NDUFAF6: variants seen among roughly 807,000 people sequenced by gnomAD.
The protein encoded by NDUFAF6 is NADH dehydrogenase (ubiquinone) complex I, assembly factor 6.
In NDUFAF6, 45 loss-of-function variants were observed where a neutral mutation model predicts 40.8. That is an observed-to-expected ratio of 1.10 (90% CI 0.87 to 1.42). The LOEUF (loss-of-function observed/expected upper bound fraction) is 1.42, where lower values mean the gene tolerates loss of function less well. NDUFAF6 is among the 40% of genes most tolerant of loss of function. The pLI, the probability that NDUFAF6 is intolerant of heterozygous loss-of-function variation, is 0.00. For synonymous variants in NDUFAF6, 185 were observed against 155.9 expected (o/e 1.19, Z -1.39); for missense variants, 435 against 418.5 (o/e 1.04, Z -0.34).
chr8:94,942,402 A>G (rs1821630028), intron 1 of NDUFAF6, among the ~76,000 whole-genome samples: 1 of 152,050 alleles, frequency 6.6e-6, no homozygotes, highest in African/African-American at 2.4e-5. Flanking sequence ...CCCCAGGAGC[A>G]CAGGCAGCTC....
intron 1 of NDUFAF6, among the ~76,000 whole-genome samples, chr8:94,899,100 T>C (rs747902215): frequency 1.3e-5 from 2 of 152,256 alleles, no homozygotes; most frequent in African/African-American, 2.4e-5. Context: ...GGTTTCACCA[T>C]GTTGGTCAGG....
At chr8:95,075,584 G>C in intron 9 of NDUFAF6, 4 of 1,281,210 alleles carry the variant, frequency 3.1e-6, no homozygotes, top group Non-Finnish European at 4.1e-6. Context: ...TGTTTCCCTA[G>C]AATTTTCTAG....
upstream of NDUFAF6, among the ~76,000 whole-genome samples, chr8:95,097,553 G>A (rs947849227): frequency 6.6e-6 from 1 of 152,164 alleles, no homozygotes; most frequent in African/African-American, 2.4e-5. Flanking sequence ...CAGAAAATTA[G>A]CCGGGCATGG....
chr8:95,048,680 C>A, intron 7 of NDUFAF6, 122 bp downstream of exon 7: 2 of 775,948 alleles, frequency 2.6e-6, no homozygotes, highest in Non-Finnish European at 2.2e-6. Flanking sequence ...CATTGATTTC[C>A]CAGTAGATTT....
chr8:94,973,715 A>C (rs910345209), intron 1 of NDUFAF6, among the ~76,000 whole-genome samples: 3 of 151,730 alleles, frequency 2.0e-5, no homozygotes, highest in Admixed American at 6.6e-5. Context: ...TCTCAAAAAA[A>C]AAAAAAAAAG....
chr8:94,968,773 G>A (rs1254401105), intron 1 of NDUFAF6, among the ~76,000 whole-genome samples: 2 of 152,172 alleles, frequency 1.3e-5, no homozygotes, highest in Non-Finnish European at 2.9e-5. Flanking sequence ...AAACCAGTTG[G>A]GATTCTACTG....
At chr8:95,007,493 A>G (rs1227977238) in intron 2 of NDUFAF6, among the ~76,000 whole-genome samples, 1 of 151,928 alleles carries the variant, frequency 6.6e-6, no homozygotes, top group Non-Finnish European at 1.5e-5. Flanking sequence ...GTTAGACCCC[A>G]TTTCTACAAA....
intron 1 of NDUFAF6, among the ~76,000 whole-genome samples, chr8:94,965,048 G>A (rs1823899064): frequency 6.6e-6 from 1 of 152,158 alleles, no homozygotes; most frequent in African/African-American, 2.4e-5. Flanking sequence ...GTTCACCTCA[G>A]TGAGCTTAGG....
chr8:95,024,977 C>CG (rs748037466), upstream of NDUFAF6: 15 of 1,294,668 alleles, frequency 1.2e-5, no homozygotes, highest in East Asian at 3.1e-5. Flanking sequence ...GCGCCGACGG[C>CG]GGGGGGTCGA....
intron 2 of NDUFAF6, among the ~76,000 whole-genome samples, chr8:94,989,872 G>A (rs1364621077): frequency 6.6e-6 from 1 of 152,102 alleles, no homozygotes; most frequent in Non-Finnish European, 1.5e-5. Context: ...GACTACAGGT[G>A]CGCACCACCT....
intron 2 of NDUFAF6, among the ~76,000 whole-genome samples, chr8:95,091,889 C>T (rs1444187084): frequency 6.7e-6 from 1 of 149,392 alleles, no homozygotes; most frequent in Admixed American, 6.8e-5. Context: ...ATACTTCCAC[C>T]ATGACTGCAC....
chr8:94,950,440 T>C (rs1306396068), intron 2 of NDUFAF6: 3 of 152,290 alleles, frequency 2.0e-5, no homozygotes, highest in African/African-American at 4.8e-5. Flanking sequence ...GGGTGAGCTG[T>C]ATAGCAACCC....
upstream of NDUFAF6, among the ~76,000 whole-genome samples, chr8:94,953,295 G>A (rs138869297): frequency 1.1e-4 from 16 of 151,328 alleles, no homozygotes; most frequent in East Asian, 1.9e-3. Context: ...TGCATGAGCC[G>A]AGATCGCACC....
intron 2 of NDUFAF6, among the ~76,000 whole-genome samples, chr8:94,994,498 C>G (rs1284216212): frequency 2.0e-5 from 3 of 151,108 alleles, no homozygotes; most frequent in African/African-American, 7.3e-5. Context: ...TTGCAGTGAG[C>G]CGAGATTGTG....
At chr8:94,958,670 G>T (rs1823299240) in intron 1 of NDUFAF6, among the ~76,000 whole-genome samples, 1 of 151,604 alleles carries the variant, frequency 6.6e-6, no homozygotes. Flanking sequence ...GAGTACCTGG[G>T]ATTACAGGCA....
At chr8:94,995,024 A>T (rs1276749040) in intron 2 of NDUFAF6, among the ~76,000 whole-genome samples, 1 of 152,216 alleles carries the variant, frequency 6.6e-6, no homozygotes, top group East Asian at 1.9e-4. Flanking sequence ...TCTCAAAGAG[A>T]TCCATTTTCA....
intron 2 of NDUFAF6, among the ~76,000 whole-genome samples, chr8:95,015,077 C>T (rs1046364067): frequency 3.3e-5 from 5 of 152,164 alleles, no homozygotes; most frequent in African/African-American, 9.7e-5. Context: ...GGAAAGAGAG[C>T]GGACCCACAG....
At chr8:95,016,285 TA>T (rs1338754615) in intron 2 of NDUFAF6, among the ~76,000 whole-genome samples, 1 of 152,272 alleles carries the variant, frequency 6.6e-6, no homozygotes, top group Non-Finnish European at 1.5e-5. Flanking sequence ...TTTCTGTTTT[TA>T]TAACTGCATG....
intron 1 of NDUFAF6, among the ~76,000 whole-genome samples, chr8:94,963,021 C>T (rs893446922): frequency 6.6e-6 from 1 of 151,964 alleles, no homozygotes; most frequent in Non-Finnish European, 1.5e-5. Flanking sequence ...GAACTCCTGA[C>T]CTCCACTGAT....
Sources: gnomAD v4.1 joint callset for allele counts (sites outside exome capture counted in the v4.1 genomes callset) on GRCh38, gnomAD v4.1.1 for gene constraint, MANE v1.5 for transcripts, NCBI Gene and HGNC (gene_info 2026-07-23, HGNC 2026-07-21) for gene names.